Variants in ST6GALNAC5 observed in about 807,000 individuals in gnomAD.
ST6GALNAC5 encodes the protein ST6 N-acetylgalactosaminide alpha-2,6-sialyltransferase 5.
A neutral mutation model predicts 33.6 loss-of-function variants in ST6GALNAC5; 27 were observed. The observed-to-expected ratio is 0.80, with a 90% CI of 0.59 to 1.11. ST6GALNAC5 has a LOEUF of 1.11. Ranked by LOEUF, ST6GALNAC5 falls within the 50% of genes least tolerant of loss-of-function variation. The probability of loss-of-function intolerance (pLI) is 0.00; values close to 1 mark genes in which losing one functional copy is unlikely to be tolerated. For synonymous variants in ST6GALNAC5, 194 were observed against 171.2 expected, an observed-to-expected ratio of 1.13 and a Z score of -1.04; for missense variants, 428 against 454.0, an observed-to-expected ratio of 0.94 and a Z score of 0.52.
In ST6GALNAC5 at chr1:76,951,562, C is replaced by T. The variant is rs144860708; in HGVS notation, c.261+82820C>T. Among the ~76,000 whole-genome samples the T allele has an allele frequency of 3.6e-3, 543 of 152,122 alleles. 4 individuals carry two copies. Among genetic ancestry groups the T allele is most frequent in the African/African-American group, 0.012 (516 of 41,512 alleles). On this transcript the variant is annotated intron_variant, in intron 2 of 4. Transcript: ENST00000477717. ...TGACAGGTTGTTGGGTGCAGCAAAC[C>T]ACCGTGGCACGTGTATACCTATGTA...
chr1:76,900,928 A>G (rs1220907892), intron 2 of ST6GALNAC5, among the ~76,000 whole-genome samples: 2 of 152,192 alleles, frequency 1.3e-5, no homozygotes, highest in Non-Finnish European at 2.9e-5. Context: ...CGTTCTCAGA[A>G]CATCAGTGTT....
chr1:76,962,680 G>A (rs1648286800), intron 2 of ST6GALNAC5, among the ~76,000 whole-genome samples: 1 of 152,132 alleles, frequency 6.6e-6, no homozygotes, highest in Non-Finnish European at 1.5e-5. Flanking sequence ...TAGTGCATGT[G>A]CACACACATT....
intron 2 of ST6GALNAC5, among the ~76,000 whole-genome samples, chr1:76,978,424 T>G (rs1238773069): frequency 6.6e-6 from 1 of 152,166 alleles, no homozygotes; most frequent in Non-Finnish European, 1.5e-5. Context: ...AAAAAGATGA[T>G]TCACCATGAT....
intron 2 of ST6GALNAC5, among the ~76,000 whole-genome samples, chr1:76,950,465 T>C (rs937320071): frequency 2.6e-5 from 4 of 152,130 alleles, no homozygotes; most frequent in African/African-American, 7.2e-5. Context: ...AGTTGTTCCA[T>C]TGAAGCAATT....
chr1:76,934,950 T>C (rs549720330), intron 2 of ST6GALNAC5, among the ~76,000 whole-genome samples: 107 of 152,264 alleles, frequency 7.0e-4, no homozygotes, highest in Admixed American at 2.0e-3. Flanking sequence ...ATTGCTTTCA[T>C]GTCATTCTGC....
chr1:77,036,521 T>A (rs1651652381), intron 2 of ST6GALNAC5, among the ~76,000 whole-genome samples: 1 of 152,248 alleles, frequency 6.6e-6, no homozygotes, highest in South Asian at 2.1e-4. Flanking sequence ...GGTCATTTAG[T>A]GCTGAAGGTG....
chr1:76,966,418 G>T (rs1347899159), intron 2 of ST6GALNAC5, among the ~76,000 whole-genome samples: 2 of 152,066 alleles, frequency 1.3e-5, no homozygotes, highest in Non-Finnish European at 2.9e-5. Flanking sequence ...TTGGTATTTA[G>T]GAATGCTTGT....
At chr1:76,970,036 C>T (rs557983204) in intron 2 of ST6GALNAC5, among the ~76,000 whole-genome samples, 2 of 152,170 alleles carry the variant, frequency 1.3e-5, no homozygotes, top group East Asian at 3.9e-4. Flanking sequence ...CACACCAAAA[C>T]CCCATCTGTA....
chr1:77,050,429 T>G, intron 4 of ST6GALNAC5, 64 bp downstream of exon 4: 1 of 1,458,568 alleles, frequency 6.9e-7, no homozygotes, highest in Non-Finnish European at 9.6e-7. Context: ...AATATCTGAT[T>G]CTGAATATCA....
At chr1:77,050,492 A>C in intron 4 of ST6GALNAC5, 127 bp downstream of exon 4, 1 of 783,300 alleles carries the variant, frequency 1.3e-6, no homozygotes, top group Non-Finnish European at 2.0e-6. Context: ...GCATGTCCCA[A>C]GTTCTCATTC....
At chr1:76,953,422 G>C (rs924036919) in intron 2 of ST6GALNAC5, among the ~76,000 whole-genome samples, 1 of 152,044 alleles carries the variant, frequency 6.6e-6, no homozygotes, top group South Asian at 2.1e-4. Flanking sequence ...ATTCTCTAAT[G>C]GATAACGACG....
At chr1:76,951,186 C>T (rs1647728479) in intron 2 of ST6GALNAC5, among the ~76,000 whole-genome samples, 1 of 152,090 alleles carries the variant, frequency 6.6e-6, no homozygotes, top group Non-Finnish European at 1.5e-5. Context: ...TCAAATCAGT[C>T]TCCCTGAAAG....
intron 2 of ST6GALNAC5, among the ~76,000 whole-genome samples, chr1:77,033,536 TA>T (rs1403224654): frequency 1.3e-5 from 2 of 152,188 alleles, no homozygotes; most frequent in African/African-American, 4.8e-5. Context: ...CTAGGTTAGA[TA>T]ACGTATGTAT....
intron 2 of ST6GALNAC5, among the ~76,000 whole-genome samples, chr1:76,903,259 A>G (rs1316412294): frequency 1.3e-5 from 2 of 152,208 alleles, no homozygotes; most frequent in Admixed American, 1.3e-4. Flanking sequence ...TAGAAGGCAT[A>G]CAAATAGACA....
chr1:77,054,696 A>T (rs151195987), intron 4 of ST6GALNAC5, among the ~76,000 whole-genome samples: 256 of 152,264 alleles, frequency 1.7e-3, no homozygotes, highest in African/African-American at 5.8e-3. Context: ...TGAGTGCCTG[A>T]TCCCCAAGGG....
intron 2 of ST6GALNAC5, among the ~76,000 whole-genome samples, chr1:76,872,116 CA>C (rs1557704771): frequency 1.1e-4 from 15 of 130,768 alleles, no homozygotes; most frequent in Non-Finnish European, 1.9e-4. Context: ...CACACACACA[CA>C]CCACACACAT....
At chr1:76,886,649 C>T (rs565758335) in intron 2 of ST6GALNAC5, among the ~76,000 whole-genome samples, 5 of 152,138 alleles carry the variant, frequency 3.3e-5, no homozygotes, top group Non-Finnish European at 7.3e-5. Context: ...TGGATGTTTC[C>T]TAAATTTGTC....
chr1:76,868,702 C>G lies in ST6GALNAC5; in HGVS notation c.221C>G (p.Pro74Arg). The change falls in exon 2 of 5, where the codon CCG becomes CGG. Residue 74 changes from proline (P) to arginine (R), a missense_variant. Pro to Arg is a moderately radical substitution (Grantham distance 103). Coordinates refer to ENST00000477717, the MANE Select transcript of ST6GALNAC5 (RefSeq NM_030965.3). This position sits in a 1 kb window ranked among gnomAD's most constrained non-coding sequence, Gnocchi z 4.3. Reference protein sequence around the residue: ...TQQRPGVPAGPRPLDGYLGVA... With the variant: ...TQQRPGVPAGRRPLDGYLGVA... ...CAGCGCCCCGGGGTCCCCGCGGGAC[C>G]GCGGCCACTGGACGGATACCTCGGA... 3 of 1,534,688 alleles carry G rather than the reference C, an allele frequency of 2.0e-6. No individual in the cohort carries two copies. The highest frequency in any genetic ancestry group is 2.5e-5 in the East Asian group (1 of 40,466).
intron 2 of ST6GALNAC5, among the ~76,000 whole-genome samples, chr1:76,947,821 C>T (rs1175611547): frequency 6.6e-6 from 1 of 152,038 alleles, no homozygotes; most frequent in Non-Finnish European, 1.5e-5. Context: ...TGTATAACTT[C>T]CCCTCAAATA....
Sources: gnomAD v4.1 joint callset for allele counts (sites outside exome capture counted in the v4.1 genomes callset) on GRCh38, gnomAD v4.1.1 for gene constraint, Gnocchi (gnomAD v3.1) non-coding constraint, MANE v1.5 for transcripts, NCBI Gene and HGNC (gene_info 2026-07-23, HGNC 2026-07-21) for gene names.